The following UNC13B variants were observed in gnomAD, a reference collection of about 807,000 sequenced individuals.
UNC13B encodes the protein unc-13 homolog B, also known as protein unc-13 homolog B.
In UNC13B, 144 loss-of-function variants were observed where a neutral mutation model predicts 211.0. The ratio of observed to expected loss-of-function variants is 0.68; its 90% CI spans 0.60 to 0.78. The LOEUF is 0.78. Among genes scored for constraint, UNC13B ranks in the 30% least tolerant of loss-of-function variants. The probability of loss-of-function intolerance (pLI) is 0.00; values close to 1 mark genes in which losing one functional copy is unlikely to be tolerated. For missense variants in UNC13B, 1,777 were observed against 2,002.0 expected (o/e 0.89, Z 2.14); for synonymous variants, 709 against 725.8 (o/e 0.98, Z 0.37).
intron 12 of UNC13B, among the ~76,000 whole-genome samples, chr9:35,369,192 A>G (rs1587713097): frequency 1.3e-5 from 2 of 152,184 alleles, no homozygotes; most frequent in African/African-American, 4.8e-5. Context: ...TTGTGGTTCC[A>G]TTCTTTGCCT....
Position 35,287,118 on chromosome 9 carries a change from TTTTC to T in UNC13B, c.527-8558_527-8555del, listed in dbSNP as rs564451877. On this transcript the variant is annotated intron_variant, in intron 7 of 39. Coordinates refer to ENST00000635942, the MANE Select transcript of UNC13B (RefSeq NM_001371189.2). ...TTCCTTTAGAGTTAGTTTCATTTCTTTTTCTTTCTTTCTTTCTTTCTTTTTTTTT... is the reference window on the plus strand; with the variant it reads ...TTCCTTTAGAGTTAGTTTCATTTCTTTTTCTTTCTTTCTTTCTTTTTTTTT... 8.3e-4 allele frequency among the ~76,000 whole-genome samples: 125 copies of T among 150,886 alleles called. No individual in the cohort carries two copies. In the East Asian group the frequency reaches 0.013, roughly 16 times the overall value.
chr9:35,266,415 C>G (rs1827579333), intron 7 of UNC13B, among the ~76,000 whole-genome samples: 1 of 152,158 alleles, frequency 6.6e-6, no homozygotes, highest in Admixed American at 6.6e-5. Flanking sequence ...ACAAGAGTTA[C>G]TGTGGCTGGA....
chr9:35,364,303 T>G (rs10116235), intron 11 of UNC13B, among the ~76,000 whole-genome samples: 1,710 of 131,314 alleles, frequency 0.013, 326 homozygotes, highest in African/African-American at 0.069. Context: ...TTTTGTCCCT[T>G]GATTTAGTTT....
At chr9:35,182,284 ATTCT>A (rs1821980175) in intron 1 of UNC13B, among the ~76,000 whole-genome samples, 1 of 151,692 alleles carries the variant, frequency 6.6e-6, no homozygotes, top group Non-Finnish European at 1.5e-5. Context: ...TTAACTTAAT[ATTCT>A]TTCTCATTGA....
At chr9:35,320,997 T>G (rs1830709296) in intron 11 of UNC13B, among the ~76,000 whole-genome samples, 1 of 152,194 alleles carries the variant, frequency 6.6e-6, no homozygotes, top group African/African-American at 2.4e-5. Flanking sequence ...TAGCAGAATA[T>G]TAACTATTAA....
chr9:35,246,693 T>C (rs965766557), intron 6 of UNC13B, among the ~76,000 whole-genome samples: 9 of 152,058 alleles, frequency 5.9e-5, no homozygotes, highest in Non-Finnish European at 1.0e-4. Context: ...GGGCTCTGTT[T>C]TGTTCCATTG....
chr9:35,403,631 G>A, intron 39 of UNC13B, 32 bp downstream of exon 39: 3 of 1,591,330 alleles, frequency 1.9e-6, no homozygotes, highest in Non-Finnish European at 2.6e-6. Context: ...CAGGACTCTG[G>A]GATGGGGGTA....
intron 3 of UNC13B, 38 bp downstream of exon 3, chr9:35,231,257 A>G (rs1161777076): frequency 1.5e-6 from 2 of 1,367,600 alleles, no homozygotes; most frequent in Non-Finnish European, 2.1e-6. Flanking sequence ...TACATATTTT[A>G]TAATCTTTTT....
intron 21 of UNC13B, among the ~76,000 whole-genome samples, chr9:35,382,973 G>A (rs1360487729): frequency 1.3e-5 from 2 of 152,124 alleles, no homozygotes; most frequent in Non-Finnish European, 2.9e-5. Context: ...ATGGGTATGC[G>A]GACTATACTA....
rs1264912967 is a variant in UNC13B, at chr9:35,266,956, A to G, written c.526+7906A>G. On this transcript the variant is annotated intron_variant, in intron 7 of 39. Coordinates refer to ENST00000635942, the MANE Select transcript of UNC13B (RefSeq NM_001371189.2). Reference sequence around the variant, plus strand: ...AGCCTAAGATTTTAGGAGAGTATGCAAAGTGTTCTGGACAAATATTATGAG... The same window carrying G: ...AGCCTAAGATTTTAGGAGAGTATGCGAAGTGTTCTGGACAAATATTATGAG... Among the ~76,000 whole-genome samples the G allele has an allele frequency of 2.0e-5, 3 of 152,334 alleles. No homozygotes were observed. In the East Asian group the frequency reaches 5.8e-4, roughly 29 times the overall value.
rs756393565 is a variant in UNC13B at position 35,400,415 on chromosome 9, G to T, written c.12456G>T (p.Lys4152Asn). 3 of 1,613,820 alleles carry T rather than the reference G, an allele frequency of 1.9e-6. No homozygotes were observed. Among genetic ancestry groups the T allele is most frequent in the Non-Finnish European group, 2.5e-6 (3 of 1,179,862 alleles). Reference protein sequence around the residue: ...LYTQTTDTLIKTFVRSQTTQG... With the variant: ...LYTQTTDTLINTFVRSQTTQG... ...CACAGACTACTGACACTCTCATCAA[G>T]ACCTTTGTGCGCTCGCAGACCACCC... is the stretch of plus-strand genomic sequence containing the variant. The change falls in exon 37 of 40, where the codon AAG becomes AAT. Residue 4152 changes from lysine (K) to asparagine (N), a missense_variant. Transcript: ENST00000635942.
intron 11 of UNC13B, among the ~76,000 whole-genome samples, chr9:35,320,863 T>C (rs1830703481): frequency 6.6e-6 from 1 of 152,194 alleles, no homozygotes; most frequent in South Asian, 2.1e-4. Flanking sequence ...AGCTAACCTT[T>C]TGTGGATGCT....
chr9:35,181,116 C>T (rs1204432540), intron 1 of UNC13B, among the ~76,000 whole-genome samples: 1 of 151,806 alleles, frequency 6.6e-6, no homozygotes, highest in African/African-American at 2.4e-5. Context: ...AACAAAAAAA[C>T]AAAAACAAAA....
At position 35,377,673 on chromosome 9, in the gene UNC13B, G is replaced by T. The variant is rs769517086; in HGVS notation, c.10041G>T (p.Trp3347Cys). The change falls in exon 16 of 40, where the codon TGG becomes TGT. Residue 3347 changes from tryptophan to cysteine, a missense_variant. Coordinates refer to ENST00000635942, the MANE Select transcript of UNC13B (RefSeq NM_001371189.2). ...KQSVLDGTSK[W>C]SAKITITVVC... is the part of the protein sequence containing the mutation. ...GTGTACTGGATGGCACCTCCAAATG[G>T]TCAGCCAAGATCACCATTACTGGTG... is the stretch of plus-strand genomic sequence containing the variant. 3.7e-6 allele frequency: 6 copies of T among 1,614,086 alleles called. No homozygotes were observed. The highest frequency in any genetic ancestry group is 5.1e-6 in the Non-Finnish European group (6 of 1,180,018).
At chr9:35,235,052 C>T (rs1446101035) in intron 3 of UNC13B, among the ~76,000 whole-genome samples, 2 of 152,132 alleles carry the variant, frequency 1.3e-5, no homozygotes, top group South Asian at 2.1e-4. Context: ...TTCTGGAGAA[C>T]GTTTTTAGCA....
chr9:35,191,232 G>A lies in UNC13B; in HGVS notation c.22+28927G>A, dbSNP rs372503844. On this transcript the variant is annotated intron_variant, in intron 1 of 39. Transcript: ENST00000635942. The stretch of plus-strand genomic sequence containing the variant: ...CTCCCAAAGTGCAGGGATTACAAGC[G>A]TGAGCCACCGTGCCCTGCCAGGTAT... 7.8e-4 allele frequency among the ~76,000 whole-genome samples: 119 copies of A among 152,300 alleles called. 2 individuals carry two copies. The South Asian group carries it at 0.019, about 24-fold the overall frequency.
intron 11 of UNC13B, chr9:35,342,129 A>G (rs1403257351): frequency 3.0e-6 from 3 of 985,278 alleles, no homozygotes; most frequent in Admixed American, 6.2e-5. Flanking sequence ...AGCTGGGTGC[A>G]ACTGAGAATA....
chr9:35,317,689 AT>A (rs543036863), intron 11 of UNC13B, among the ~76,000 whole-genome samples: 2,495 of 125,540 alleles, frequency 0.02, 34 homozygotes, highest in South Asian at 0.053. Flanking sequence ...TGCCTGGCTA[AT>A]TTTTTTTTTT....
intron 7 of UNC13B, among the ~76,000 whole-genome samples, chr9:35,267,504 T>G (rs1004297223): frequency 1.3e-5 from 2 of 152,220 alleles, no homozygotes; most frequent in Non-Finnish European, 2.9e-5. Flanking sequence ...CAGTATCTTA[T>G]TCACATGCTG....
Sources: allele counts gnomAD v4.1 joint callset (sites outside exome capture counted in the v4.1 genomes callset), GRCh38; gene constraint gnomAD v4.1.1; transcripts MANE v1.5; gene names NCBI Gene and HGNC (gene_info 2026-07-23, HGNC 2026-07-21).